Variants in USP9X observed in about 807,000 individuals in gnomAD.
The protein encoded by USP9X is ubiquitin specific peptidase 9 X-linked, also known as ubiquitin carboxyl-terminal hydrolase 9X.
In USP9X, 7 loss-of-function variants were observed where a neutral mutation model predicts 190.3. The ratio of observed to expected loss-of-function variants is 0.04; its 90% CI spans 0.02 to 0.07. The LOEUF (loss-of-function observed/expected upper bound fraction) is 0.07, where lower values mean the gene tolerates loss of function less well. Among genes scored for constraint, USP9X ranks in the 10% least tolerant of loss-of-function variants. The pLI, the probability that USP9X is intolerant of heterozygous loss-of-function variation, is 1.00. For synonymous variants in USP9X, 645 were observed against 659.5 expected (o/e 0.98, Z 0.34); for missense variants, 1,010 against 1,916.9 (o/e 0.53, Z 8.83).
chrX:41,181,301 G>A (rs1602007225), intron 21 of USP9X, among the ~76,000 whole-genome samples: 1 of 91,080 alleles, frequency 1.1e-5, no homozygotes, highest in East Asian at 3.6e-4. Flanking sequence ...TTTAAAGAGA[G>A]AGGGCCTTAC....
At chrX:41,166,458 A>T (rs939068969) in intron 16 of USP9X, among the ~76,000 whole-genome samples, 2 of 111,271 alleles carry the variant, frequency 1.8e-5, no homozygotes, top group African/African-American at 6.5e-5. Flanking sequence ...TATTCCATAG[A>T]TGTGCACTAA....
At chrX:41,163,514 G>A (rs1356285957) in intron 15 of USP9X, among the ~76,000 whole-genome samples, 1 of 110,741 alleles carries the variant, frequency 9.0e-6, no homozygotes, top group Non-Finnish European at 1.9e-5. Context: ...CACTTGGGGA[G>A]GCCAAGGCAA....
chrX:41,129,017 T>G lies in USP9X; in HGVS notation c.114T>G (p.Ser38=), dbSNP rs762490407. ...LQQNQTSSPD[S]SNENSPATPP... ...TAATTAAGACTTCATCGCCTGATTC[T>G]TCCAATGAAAATTCCCCGGCAACTC... The change falls in exon 3 of 45, where the codon TCT becomes TCG. Residue 38 remains serine, a synonymous_variant. Transcript: ENST00000378308. The G allele has an allele frequency of 3.3e-6, 4 of 1,210,718 alleles. No individual in the cohort carries two copies. The Admixed American group carries it at 6.6e-5, about 20-fold the overall frequency.
chrX:41,197,350 C>CCCCCCCT lies in USP9X; in HGVS notation c.4234-12_4234-11insCCCCTCC. On this transcript the variant is annotated splice_polypyrimidine_tract_variant and intron_variant, in intron 28 of 44. Coordinates refer to ENST00000378308, the MANE Select transcript of USP9X (RefSeq NM_001039591.3). ...ATTTCTTCCCCCCCCCACCCCACCC[C>CCCCCCCT]CCGCCTTTGGCAGGATGATGTTAAA... is the stretch of plus-strand genomic sequence containing the variant. 1.1e-6 allele frequency: 1 copy of CCCCCCCT among 922,960 alleles called. No individual in the cohort carries two copies. Among genetic ancestry groups the CCCCCCCT allele is most frequent in the Non-Finnish European group, 1.4e-6 (1 of 716,603 alleles). 76.1% of individuals were successfully genotyped at this position (922,960 alleles called of 1,213,427 possible). A position where few individuals can be genotyped will look rare whatever the true frequency, so the allele number is the denominator to read the frequency against.
intron 11 of USP9X, among the ~76,000 whole-genome samples, chrX:41,147,435 ATTAACTTAATCG>A (rs2062477778): frequency 3.0e-5 from 3 of 100,685 alleles, no homozygotes; most frequent in Non-Finnish European, 5.9e-5. Flanking sequence ...ATCTTCTCTC[ATTAACTTAATCG>A]TTGTTTTTTT....
At chrX:41,109,545 G>A (rs2062093564) in intron 1 of USP9X, among the ~76,000 whole-genome samples, 1 of 112,259 alleles carries the variant, frequency 8.9e-6, no homozygotes, top group African/African-American at 3.2e-5. Flanking sequence ...CTGTTGCAGT[G>A]ACTTATAGGA....
At chrX:41,154,511 C>T (rs1317612908) in intron 14 of USP9X, among the ~76,000 whole-genome samples, 2 of 111,604 alleles carry the variant, frequency 1.8e-5, no homozygotes, top group Admixed American at 1.9e-4. Context: ...ATTTCATTGT[C>T]AGAGGTCAGG....
intron 21 of USP9X, among the ~76,000 whole-genome samples, chrX:41,181,272 C>CTTTTTTTT (rs769952292): frequency 1.3e-5 from 1 of 75,428 alleles, no homozygotes; most frequent in Non-Finnish European, 2.5e-5. Flanking sequence ...TTTCTCATTT[C>CTTTTTTTT]TTTTTTTTTT....
At chrX:41,165,371 A>G (rs2062670626) in intron 15 of USP9X, among the ~76,000 whole-genome samples, 1 of 111,836 alleles carries the variant, frequency 8.9e-6, no homozygotes, top group South Asian at 3.7e-4. Context: ...GACTACAGAC[A>G]TGAGCCACCA....
intron 21 of USP9X, among the ~76,000 whole-genome samples, chrX:41,173,141 A>G: frequency 9.0e-6 from 1 of 110,666 alleles, no homozygotes; most frequent in South Asian, 3.8e-4. Context: ...TCTCTCTTTA[A>G]TCTTATTCCA....
At chrX:41,197,331 T>TGCGCCCCCCCCCCCCCCC in intron 28 of USP9X, 33 bp from the exon 29 acceptor site, 1 of 486,766 alleles carries the variant, frequency 2.1e-6, no homozygotes, top group Non-Finnish European at 2.9e-6. Context: ...TTTGATTTCT[T>TGCGCCCCCCCCCCCCCCC]CCCCCCCCCA....
chrX:41,102,866 C>G (rs1423073134), intron 1 of USP9X, among the ~76,000 whole-genome samples: 1 of 109,463 alleles, frequency 9.1e-6, no homozygotes, highest in African/African-American at 3.3e-5. Context: ...AATCTTGGCT[C>G]ACTGCAACCT....
At chrX:41,165,792 G>A in intron 15 of USP9X, 80 bp from the exon 16 acceptor site, 1 of 747,518 alleles carries the variant, frequency 1.3e-6, no homozygotes, top group Non-Finnish European at 1.9e-6. Flanking sequence ...GGTGATAAAT[G>A]TATTTTATAG....
At chrX:41,116,239 G>A (rs745467497) in intron 1 of USP9X, among the ~76,000 whole-genome samples, 2 of 112,424 alleles carry the variant, frequency 1.8e-5, no homozygotes, top group Admixed American at 9.4e-5. Flanking sequence ...GAAATAAAGC[G>A]TAAAACTTCA....
At chrX:41,153,421 T>G (rs12687913) in intron 14 of USP9X, among the ~76,000 whole-genome samples, 21,492 of 111,500 alleles carry the variant, frequency 0.19, 1,587 homozygotes, top group Admixed American at 0.27. Flanking sequence ...ACTTGTTTTG[T>G]CTAAGTCTGT....
chrX:41,088,093 C>T (rs904928073), intron 1 of USP9X, among the ~76,000 whole-genome samples: 1 of 111,952 alleles, frequency 8.9e-6, no homozygotes, highest in East Asian at 2.8e-4. Context: ...AAGGGATTCT[C>T]CTGCCTCAGC....
In USP9X at chrX:41,099,096, G is replaced by GTTTTTTTT. The variant is rs34179321; in HGVS notation, c.-159+13006_-159+13013dup. Among the ~76,000 whole-genome samples, 18 of 44,266 alleles carry GTTTTTTTT rather than the reference G, an allele frequency of 4.1e-4. 3 individuals carry two copies. The highest frequency in any genetic ancestry group is 6.0e-4 in the African/African-American group (6 of 9,930). The allele number at this position is 44,266 out of a possible 115,157, so 38.4% of individuals were successfully genotyped here. Reference sequence around the variant, plus strand: ...CACATGCCATAATGCCCAGATAATTGTTTTTTTTTTTTTTTTTTTTTTTTT... The same window carrying GTTTTTTTT: ...CACATGCCATAATGCCCAGATAATTGTTTTTTTTTTTTTTTTTTTTTTTTTTTTTTTTT... On this transcript the variant is annotated intron_variant, in intron 1 of 44. Coordinates refer to ENST00000378308, the MANE Select transcript of USP9X (RefSeq NM_001039591.3).
Position 41,215,804 on chromosome X carries a change from A to C in USP9X, c.5332-95A>C, listed in dbSNP as rs771341579. 5 of 886,178 alleles carry C rather than the reference A, an allele frequency of 5.6e-6. No individual in the cohort carries two copies. The South Asian group carries it at 1.4e-4, about 24-fold the overall frequency. 73.0% of individuals were successfully genotyped at this position (886,178 alleles called of 1,213,427 possible). ...TTTGTTTATACTTAAAAATTCAGAT[A>C]AGTCTTAATATCATTTAAAAGTTTG... On this transcript the variant is annotated intron_variant, in intron 34 of 44. Transcript: ENST00000378308.
chrX:41,112,759 G>C (rs1411438703), intron 1 of USP9X, among the ~76,000 whole-genome samples: 1 of 112,212 alleles, frequency 8.9e-6, no homozygotes, highest in Non-Finnish European at 1.9e-5. Context: ...TATGCTACAA[G>C]TAATTATAAG....
Sources: allele counts gnomAD v4.1 joint callset (sites outside exome capture counted in the v4.1 genomes callset), GRCh38; gene constraint gnomAD v4.1.1; transcripts MANE v1.5; gene names NCBI Gene and HGNC (gene_info 2026-07-23, HGNC 2026-07-21).